Variants in PCDHGA3 observed in about 807,000 individuals in gnomAD.
PCDHGA3 encodes the protein protocadherin gamma-A3.
Under a neutral mutation model 58.5 loss-of-function variants are expected in PCDHGA3, and 40 were observed. The ratio of observed to expected loss-of-function variants is 0.68; its 90% CI spans 0.53 to 0.89. The LOEUF is 0.89. Among genes scored for constraint, PCDHGA3 ranks in the 40% least tolerant of loss-of-function variants. The pLI, the probability that PCDHGA3 is intolerant of heterozygous loss-of-function variation, is 0.00. For missense variants in PCDHGA3, 1,223 were observed against 1,195.9 expected (o/e 1.02, Z -0.33); for synonymous variants, 530 against 525.7 (o/e 1.01, Z -0.11).
At chr5:141,408,815 C>T (rs770899981) in intron 1 of PCDHGA3, 1 of 1,613,406 alleles carries the variant, frequency 6.2e-7, no homozygotes, top group Non-Finnish European at 8.5e-7. Flanking sequence ...CCGGGAAGAA[C>T]AGAGATCTCA....
chr5:141,492,942 G>A (rs897160295), intron 1 of PCDHGA3, among the ~76,000 whole-genome samples: 3 of 152,220 alleles, frequency 2.0e-5, no homozygotes, highest in African/African-American at 7.2e-5. Context: ...GAGATTTGGA[G>A]GTGACCAAAC....
intron 1 of PCDHGA3, chr5:141,356,330 G>C: frequency 2.6e-6 from 4 of 1,554,374 alleles, no homozygotes; most frequent in Non-Finnish European, 3.5e-6. Context: ...AGTGACTCAG[G>C]AGGAAATGGC....
chr5:141,371,072 C>T (rs1456354595), intron 1 of PCDHGA3: 3 of 1,613,886 alleles, frequency 1.9e-6, no homozygotes, highest in South Asian at 1.1e-5. Context: ...GCTGTACCAC[C>T]CAGATCAGGG....
At chr5:141,402,934 A>G in intron 1 of PCDHGA3, 1 of 1,586,622 alleles carries the variant, frequency 6.3e-7, no homozygotes, top group Non-Finnish European at 8.6e-7. Flanking sequence ...TTTTGAGAAA[A>G]TTCCAAAGCG....
In PCDHGA3 at chr5:141,477,868, C is replaced by A; in HGVS notation, c.2425-16939C>A. The A allele has an allele frequency of 6.2e-7, 1 of 1,613,750 alleles. No homozygotes were observed. Among genetic ancestry groups the A allele is most frequent in the Non-Finnish European group, 8.5e-7 (1 of 1,179,908 alleles). ...CGGTGGAGATGCTGCCTCGAGGTAC[C>A]TCAGCTGGCCACCTAGTGTCACGGG... On this transcript the variant is annotated intron_variant, in intron 1 of 3. Coordinates refer to ENST00000253812, the MANE Select transcript of PCDHGA3 (RefSeq NM_018916.4). The surrounding 1 kb of genome is among the most constrained non-coding windows in gnomAD (Gnocchi z 4.9).
At chr5:141,469,964 G>T (rs974494589) in intron 1 of PCDHGA3, among the ~76,000 whole-genome samples, 2 of 152,002 alleles carry the variant, frequency 1.3e-5, no homozygotes, top group Non-Finnish European at 2.9e-5. Flanking sequence ...AACCCCATCT[G>T]TACCAAAAAT....
intron 1 of PCDHGA3, chr5:141,372,273 C>A (rs201775561): frequency 5.4e-4 from 865 of 1,613,108 alleles, no homozygotes; most frequent in Non-Finnish European, 6.7e-4. Flanking sequence ...GGGTGAGGTG[C>A]GCACGGCGCG....
intron 1 of PCDHGA3, chr5:141,394,966 GC>G (rs1294759609): frequency 1.2e-6 from 2 of 1,613,886 alleles, no homozygotes; most frequent in Non-Finnish European, 1.7e-6. Context: ...AGGCTGAGGC[GC>G]TGGCACAAGT....
chr5:141,400,091 C>T, intron 1 of PCDHGA3: 4 of 1,614,072 alleles, frequency 2.5e-6, no homozygotes, highest in South Asian at 1.1e-5. Context: ...GCCACCGCCA[C>T]GCTGCACTTG....
At chr5:141,374,785 T>A in intron 1 of PCDHGA3, 1 of 1,613,874 alleles carries the variant, frequency 6.2e-7, no homozygotes, top group Non-Finnish European at 8.5e-7. Context: ...CAGTTCTAGA[T>A]GTGAATGACA....
intron 1 of PCDHGA3, among the ~76,000 whole-genome samples, chr5:141,483,599 G>A (rs1419379218): frequency 6.6e-6 from 1 of 152,048 alleles, no homozygotes; most frequent in African/African-American, 2.4e-5. Flanking sequence ...GGTCAGGCTG[G>A]TTTACACCTC....
At chr5:141,404,888 G>A (rs778498828) in intron 1 of PCDHGA3, 9 of 1,613,762 alleles carry the variant, frequency 5.6e-6, no homozygotes, top group East Asian at 2.2e-5. Context: ...TGTGGTGGCT[G>A]TACAGGACCA....
intron 1 of PCDHGA3, chr5:141,421,501 G>T: frequency 6.2e-7 from 1 of 1,614,094 alleles, no homozygotes; most frequent in Non-Finnish European, 8.5e-7. Context: ...AGGCAGGATA[G>T]ACCGGGAGGA....
intron 1 of PCDHGA3, among the ~76,000 whole-genome samples, chr5:141,429,780 A>G (rs1301908729): frequency 1.3e-5 from 2 of 152,222 alleles, no homozygotes; most frequent in Non-Finnish European, 2.9e-5. Flanking sequence ...ATGGGCTTCC[A>G]AAAGTATTAC....
At chr5:141,354,052 T>C (rs1759458533) in intron 1 of PCDHGA3, among the ~76,000 whole-genome samples, 1 of 152,240 alleles carries the variant, frequency 6.6e-6, no homozygotes, top group Non-Finnish European at 1.5e-5. Flanking sequence ...CATGCAATGA[T>C]AATCCATGTT....
At chr5:141,456,341 C>G (rs950158154) in intron 1 of PCDHGA3, among the ~76,000 whole-genome samples, 4 of 152,034 alleles carry the variant, frequency 2.6e-5, no homozygotes, top group Admixed American at 1.3e-4. Context: ...TAAGGGTCCT[C>G]GGAAGAATGG....
rs768485525 is a variant in PCDHGA3, at chr5:141,344,126, C to T, written c.93C>T (p.Ile31=). The change falls in exon 1 of 4, where the codon ATC becomes ATT. Residue 31 remains isoleucine, a synonymous_variant. Coordinates refer to ENST00000253812, the MANE Select transcript of PCDHGA3 (RefSeq NM_018916.4). ...TGTGCGAAACAGGATCCGGTCAGAT[C>T]CGCTACTCGGTGTCTGAGGAGCTAG... ...GTLCETGSGQ[I]RYSVSEELDK... 1.2e-6 allele frequency: 2 copies of T among 1,613,996 alleles called. No individual in the cohort carries two copies. The highest frequency in any genetic ancestry group is 2.2e-5 in the South Asian group (2 of 91,084).
intron 1 of PCDHGA3, chr5:141,374,190 C>T: frequency 6.2e-7 from 1 of 1,613,820 alleles, no homozygotes; most frequent in Non-Finnish European, 8.5e-7. Context: ...TACTCTATTC[C>T]CGAGGAGCTG....
chr5:141,388,686 GA>G, intron 1 of PCDHGA3: 1 of 1,613,980 alleles, frequency 6.2e-7, no homozygotes, highest in Non-Finnish European at 8.5e-7. Context: ...GACTGCCACG[GA>G]CCAGGATGAG....
Sources: allele counts gnomAD v4.1 joint callset (sites outside exome capture counted in the v4.1 genomes callset), GRCh38; gene constraint gnomAD v4.1.1; non-coding constraint Gnocchi (gnomAD v3.1); transcripts MANE v1.5; gene names NCBI Gene and HGNC (gene_info 2026-07-23, HGNC 2026-07-21).